The following PDE4D variants were observed in gnomAD, a reference collection of about 807,000 sequenced individuals.
The protein encoded by PDE4D is 3',5'-cyclic-AMP phosphodiesterase 4D.
PDE4D carries 24 observed loss-of-function variants against 87.4 expected under a neutral mutation model. That is an observed-to-expected ratio of 0.27 (90% CI 0.20 to 0.39). The LOEUF is 0.39. Among genes scored for constraint, PDE4D ranks in the 10% least tolerant of loss-of-function variants. The pLI is 1.00. For missense variants in PDE4D, 714 were observed against 1,041.0 expected, an observed-to-expected ratio of 0.69 and a Z score of 4.32; for synonymous variants, 384 against 383.2, an observed-to-expected ratio of 1.00 and a Z score of -0.02.
At chr5:60,056,315 G>A (rs1770771445) in intron 2 of PDE4D, among the ~76,000 whole-genome samples, 2 of 151,982 alleles carry the variant, frequency 1.3e-5, no homozygotes, top group South Asian at 4.2e-4. Context: ...GAGAATCAGA[G>A]GCACCAACCC....
chr5:59,681,158 TA>T (rs1394109801), intron 1 of PDE4D, among the ~76,000 whole-genome samples: 1 of 152,124 alleles, frequency 6.6e-6, no homozygotes, highest in Non-Finnish European at 1.5e-5. Context: ...AAGAGTCTCA[TA>T]TCTAAAACCA....
At chr5:60,049,165 T>G (rs901505319) in intron 2 of PDE4D, among the ~76,000 whole-genome samples, 1 of 152,208 alleles carries the variant, frequency 6.6e-6, no homozygotes, top group Non-Finnish European at 1.5e-5. Context: ...CATCAGCTCC[T>G]GAGGCTTCTG....
rs1367875775 is a variant in PDE4D, at chr5:59,403,170, CAGACAGAT to C, written c.456-187210_456-187203del. On this transcript the variant is annotated intron_variant, in intron 1 of 14. Transcript: ENST00000340635. ...ACAGACAGACAGACAGACAGACAGA[CAGACAGAT>C]AGATAGATAGATTGATTGATTTATG... 2.8e-3 allele frequency among the ~76,000 whole-genome samples: 260 copies of C among 94,128 alleles called. 2 individuals carry two copies. The highest frequency in any genetic ancestry group is 9.5e-3 in the African/African-American group (214 of 22,458). The allele number at this position is 94,128 out of a possible 152,430, so 61.8% of individuals were successfully genotyped here. A position where few individuals can be genotyped will look rare whatever the true frequency, so the allele number is the denominator to read the frequency against.
At chr5:59,844,417 T>C (rs746134997) in intron 1 of PDE4D, among the ~76,000 whole-genome samples, 1 of 152,130 alleles carries the variant, frequency 6.6e-6, no homozygotes, top group African/African-American at 2.4e-5. Flanking sequence ...CCATTTAATA[T>C]TTTACGGTAT....
At chr5:59,070,577 G>C (rs1037098222) in intron 5 of PDE4D, among the ~76,000 whole-genome samples, 1 of 152,110 alleles carries the variant, frequency 6.6e-6, no homozygotes, top group African/African-American at 2.4e-5. Flanking sequence ...ATATATTATA[G>C]TCTTACTTAG....
chr5:59,320,972 T>G (rs965082097), intron 1 of PDE4D, among the ~76,000 whole-genome samples: 5 of 152,154 alleles, frequency 3.3e-5, no homozygotes, highest in Non-Finnish European at 5.9e-5. Flanking sequence ...GAAAATAATT[T>G]TAAAGTATTC....
At chr5:59,670,685 T>TACAAAATTTGTATA (rs1747049168) in intron 1 of PDE4D, among the ~76,000 whole-genome samples, 1 of 152,200 alleles carries the variant, frequency 6.6e-6, no homozygotes, top group African/African-American at 2.4e-5. Context: ...AACCTGTATA[T>TACAAAATTTGTATA]GTTAAACATA....
chr5:59,302,159 C>A (rs961881232), intron 1 of PDE4D, among the ~76,000 whole-genome samples: 1 of 152,038 alleles, frequency 6.6e-6, no homozygotes, highest in African/African-American at 2.4e-5. Context: ...CAGCCCCTGA[C>A]AGATATTAGC....
chr5:59,238,882 T>C lies in PDE4D; in HGVS notation c.456-22914A>G, dbSNP rs77048133. Among the ~76,000 whole-genome samples the C allele has an allele frequency of 5.5e-3, 836 of 152,264 alleles. 10 individuals are homozygous for C. Among genetic ancestry groups the C allele is most frequent in the African/African-American group, 0.019 (800 of 41,548 alleles). On this transcript the variant is annotated intron_variant, in intron 1 of 14. Transcript: ENST00000340635. ...CTTTTGACTTTAAGACAGTAAGAAA[T>C]GTGAGGTCAGTGTCCTTGGGAATAA...
rs570514853 is a variant in PDE4D, at chr5:59,261,299, T to A, written c.456-45331A>T. On this transcript the variant is annotated intron_variant, in intron 1 of 14. Coordinates refer to ENST00000340635, the MANE Select transcript of PDE4D (RefSeq NM_001104631.2). ...AAGTTTTTGTTAGATCCCTATTTGA[T>A]GTAATGGCCTTACTTATTAATGCAG... Among the ~76,000 whole-genome samples, 12 of 151,974 alleles carry A rather than the reference T, an allele frequency of 7.9e-5. No individual in the cohort carries two copies. The South Asian group carries it at 2.5e-3, about 31-fold the overall frequency.
At chr5:59,686,204 A>G (rs1749831426) in intron 1 of PDE4D, among the ~76,000 whole-genome samples, 1 of 152,166 alleles carries the variant, frequency 6.6e-6, no homozygotes, top group African/African-American at 2.4e-5. Context: ...ACTATGATTT[A>G]ATAACAGCAG....
chr5:59,102,913 T>A (rs1315440530), intron 5 of PDE4D, among the ~76,000 whole-genome samples: 1 of 152,188 alleles, frequency 6.6e-6, no homozygotes, highest in Non-Finnish European at 1.5e-5. Flanking sequence ...AACAGCCGAA[T>A]GTTAAGACTA....
intron 1 of PDE4D, among the ~76,000 whole-genome samples, chr5:59,403,141 G>A (rs62357469): frequency 3.3e-4 from 40 of 122,704 alleles, no homozygotes; most frequent in Admixed American, 5.7e-4. Context: ...AGGTAGGTAG[G>A]TAGACAGACA....
At chr5:59,923,451 G>T (rs1005559950) in intron 3 of PDE4D, among the ~76,000 whole-genome samples, 1 of 152,198 alleles carries the variant, frequency 6.6e-6, no homozygotes. Context: ...CCATCCCAGT[G>T]GTGGTGGCCA....
In PDE4D at chr5:59,597,229, TAA is replaced by T. The variant is rs142949253; in HGVS notation, c.455+295937_455+295938del. Among the ~76,000 whole-genome samples, 600 of 152,284 alleles carry T rather than the reference TAA, an allele frequency of 3.9e-3. 7 individuals carry two copies. Among genetic ancestry groups the T allele is most frequent in the African/African-American group, 0.014 (578 of 41,570 alleles). On this transcript the variant is annotated intron_variant, in intron 1 of 14. Coordinates refer to ENST00000340635, the MANE Select transcript of PDE4D (RefSeq NM_001104631.2). Reference sequence around the variant, plus strand: ...TAAATTATTTCCTTCCCTCCTGAAATAAAGTCATTTAAAATTAATGCTATATT... The same window carrying T: ...TAAATTATTTCCTTCCCTCCTGAAATAGTCATTTAAAATTAATGCTATATT...
intron 1 of PDE4D, among the ~76,000 whole-genome samples, chr5:59,490,728 C>A (rs1004664467): frequency 3.3e-5 from 5 of 152,074 alleles, no homozygotes; most frequent in African/African-American, 1.2e-4. Context: ...TTATCTTGTT[C>A]CTTTGATGTG....
intron 5 of PDE4D, among the ~76,000 whole-genome samples, chr5:59,112,265 T>C (rs750916159): frequency 6.6e-6 from 1 of 152,036 alleles, no homozygotes; most frequent in Non-Finnish European, 1.5e-5. Flanking sequence ...GCTGAGTGAA[T>C]GAGAGAAAGA....
intron 2 of PDE4D, among the ~76,000 whole-genome samples, chr5:60,115,439 A>C (rs1778083026): frequency 6.6e-6 from 1 of 152,160 alleles, no homozygotes. Context: ...TAAGAAGGTC[A>C]TTGAAGACAC....
chr5:60,377,755 A>G (rs1761541727), intron 1 of PDE4D, among the ~76,000 whole-genome samples: 1 of 152,198 alleles, frequency 6.6e-6, no homozygotes, highest in Non-Finnish European at 1.5e-5. Flanking sequence ...AAAAATTTAT[A>G]ATTAAATGAC....
Sources: allele counts gnomAD v4.1 joint callset (sites outside exome capture counted in the v4.1 genomes callset), GRCh38; gene constraint gnomAD v4.1.1; transcripts MANE v1.5; gene names NCBI Gene and HGNC (gene_info 2026-07-23, HGNC 2026-07-21).